The following PDE4D variants were observed in gnomAD, a reference collection of about 807,000 sequenced individuals.
The protein encoded by PDE4D is phosphodiesterase 4D.
A neutral mutation model predicts 87.4 loss-of-function variants in PDE4D; 24 were observed. That is an observed-to-expected ratio of 0.27 (90% CI 0.20 to 0.39). The LOEUF is 0.39. Among genes scored for constraint, PDE4D ranks in the 10% least tolerant of loss-of-function variants. PDE4D has a pLI of 1.00. For missense variants in PDE4D, 714 were observed against 1,041.0 expected, an observed-to-expected ratio of 0.69 and a Z score of 4.32; for synonymous variants, 384 against 383.2, an observed-to-expected ratio of 1.00 and a Z score of -0.02.
chr5:58,992,686 T>C (rs144651938), intron 7 of PDE4D, among the ~76,000 whole-genome samples: 1 of 152,292 alleles, frequency 6.6e-6, no homozygotes, highest in East Asian at 1.9e-4. Flanking sequence ...CTAAGATATC[T>C]TCTTACTTTC....
rs150354131 is a variant in PDE4D, at chr5:60,212,114, ATTTAT to A, written c.-89-26432_-89-26428del. 3.7e-4 allele frequency among the ~76,000 whole-genome samples: 56 copies of A among 152,282 alleles called. No individual in the cohort carries two copies. The East Asian group carries it at 7.3e-3, about 20-fold the overall frequency. On this transcript the variant is annotated intron_variant, in intron 1 of 16. Coordinates refer to the PDE4D transcript ENST00000502484. ...GCAGCTGTTATCATGAATTTTAGAA[ATTTAT>A]TTTAAGTGTCACTAAATTCATAGTA...
At chr5:59,510,883 G>A (rs921518780) in intron 1 of PDE4D, among the ~76,000 whole-genome samples, 20 of 151,842 alleles carry the variant, frequency 1.3e-4, no homozygotes, top group Admixed American at 3.9e-4. Context: ...TACTTAAACC[G>A]TTTTTTAAAA....
At chr5:59,368,718 G>C (rs10043994) in intron 1 of PDE4D, among the ~76,000 whole-genome samples, 7,720 of 152,244 alleles carry the variant, frequency 0.051, 293 homozygotes, top group South Asian at 0.16. Flanking sequence ...CAAAACAGGA[G>C]AGAAAATGAT....
At chr5:59,554,687 C>T (rs1297283171) in intron 1 of PDE4D, among the ~76,000 whole-genome samples, 3 of 152,120 alleles carry the variant, frequency 2.0e-5, no homozygotes, top group Admixed American at 2.0e-4. Context: ...ACAACTGAAA[C>T]TGAATGGAAA....
chr5:59,476,936 G>C (rs964817078), intron 1 of PDE4D, among the ~76,000 whole-genome samples: 1 of 151,878 alleles, frequency 6.6e-6, no homozygotes, highest in African/African-American at 2.4e-5. Context: ...GAAGGTAATT[G>C]AATCTCATAA....
At chr5:60,153,216 G>A (rs972914689) in intron 2 of PDE4D, among the ~76,000 whole-genome samples, 8 of 152,108 alleles carry the variant, frequency 5.3e-5, no homozygotes, top group African/African-American at 1.9e-4. Context: ...ATTGACAAAG[G>A]ATTTGAATAG....
intron 1 of PDE4D, among the ~76,000 whole-genome samples, chr5:59,405,919 G>A (rs1320468579): frequency 6.6e-6 from 1 of 152,162 alleles, no homozygotes; most frequent in Non-Finnish European, 1.5e-5. Flanking sequence ...ATGTGTTGCT[G>A]AATTTGGCTT....
chr5:59,234,639 C>T (rs575634255), intron 1 of PDE4D, among the ~76,000 whole-genome samples: 1 of 152,050 alleles, frequency 6.6e-6, no homozygotes, highest in Admixed American at 6.6e-5. Context: ...AAATGAATAC[C>T]ACTGGTAAAT....
intron 1 of PDE4D, among the ~76,000 whole-genome samples, chr5:60,218,206 T>A (rs1273792638): frequency 6.6e-6 from 1 of 152,028 alleles, no homozygotes; most frequent in Non-Finnish European, 1.5e-5. Context: ...TATTATACCA[T>A]AGGCAAGAAT....
chr5:60,162,695 T>C (rs1231735876), intron 2 of PDE4D, among the ~76,000 whole-genome samples: 1 of 152,050 alleles, frequency 6.6e-6, no homozygotes, highest in South Asian at 2.1e-4. Flanking sequence ...TTCAAGAACA[T>C]GTATTTTAAG....
chr5:60,504,825 TTC>T (rs1403128305), intron 1 of PDE4D, among the ~76,000 whole-genome samples: 2 of 152,184 alleles, frequency 1.3e-5, no homozygotes, highest in African/African-American at 4.8e-5. Flanking sequence ...CCAGAAGAGT[TTC>T]TGTCTGTTTA....
intron 1 of PDE4D, among the ~76,000 whole-genome samples, chr5:59,875,668 C>T (rs1019175676): frequency 6.6e-6 from 1 of 151,692 alleles, no homozygotes; most frequent in Admixed American, 6.6e-5. Context: ...TCATATTTTC[C>T]TAGTAACTTC....
At chr5:60,193,227 A>T (rs1785338122) in intron 1 of PDE4D, among the ~76,000 whole-genome samples, 1 of 152,180 alleles carries the variant, frequency 6.6e-6, no homozygotes, top group South Asian at 2.1e-4. Flanking sequence ...AGTTTCCGGG[A>T]ATGCAAAACA....
chr5:59,272,067 A>T (rs1161372223), intron 1 of PDE4D, among the ~76,000 whole-genome samples: 1 of 152,002 alleles, frequency 6.6e-6, no homozygotes, highest in Non-Finnish European at 1.5e-5. Context: ...CATATACAAT[A>T]ACCAATTTTA....
chr5:59,445,248 A>C (rs967035027), intron 1 of PDE4D, among the ~76,000 whole-genome samples: 4 of 152,232 alleles, frequency 2.6e-5, no homozygotes, highest in Non-Finnish European at 5.9e-5. Flanking sequence ...CCTATATTTA[A>C]ATCAAGATAA....
intron 2 of PDE4D, among the ~76,000 whole-genome samples, chr5:59,207,829 G>A (rs1251134091): frequency 1.3e-5 from 2 of 151,634 alleles, no homozygotes; most frequent in South Asian, 2.1e-4. Context: ...TTATACAGGA[G>A]TGAGAAAAAC....
intron 2 of PDE4D, among the ~76,000 whole-genome samples, chr5:60,169,231 T>C (rs1783196001): frequency 6.6e-6 from 1 of 152,078 alleles, no homozygotes; most frequent in African/African-American, 2.4e-5. Flanking sequence ...TTCAAAAACA[T>C]GGGCAAAATT....
At chr5:60,319,193 C>CT (rs1755951388) in intron 1 of PDE4D, among the ~76,000 whole-genome samples, 1 of 152,102 alleles carries the variant, frequency 6.6e-6, no homozygotes, top group South Asian at 2.1e-4. Flanking sequence ...TCTGTTTATT[C>CT]TTTTTTCTCT....
At chr5:59,402,319 T>C (rs258110) in intron 1 of PDE4D, among the ~76,000 whole-genome samples, 61,650 of 152,046 alleles carry the variant, frequency 0.41, 12,649 homozygotes, top group East Asian at 0.49. Flanking sequence ...ATAAATCATC[T>C]TTAGAGTGAG....
Sources: gnomAD v4.1 joint callset for allele counts (sites outside exome capture counted in the v4.1 genomes callset) on GRCh38, gnomAD v4.1.1 for gene constraint, MANE v1.5 for transcripts, NCBI Gene and HGNC (gene_info 2026-07-23, HGNC 2026-07-21) for gene names.